RBFOX1: variants seen among roughly 807,000 people sequenced by gnomAD.
The protein encoded by RBFOX1 is RNA binding protein fox-1 homolog 1.
RBFOX1 carries 8 observed loss-of-function variants against 57.7 expected under a neutral mutation model. The observed-to-expected ratio is 0.14, with a 90% CI of 0.08 to 0.25. The LOEUF (loss-of-function observed/expected upper bound fraction) is 0.25. Ranked by LOEUF, RBFOX1 falls within the 10% of genes least tolerant of loss-of-function variation. The probability of loss-of-function intolerance (pLI) is 1.00; values close to 1 mark genes in which losing one functional copy is unlikely to be tolerated. For missense variants in RBFOX1, 611 were observed against 548.5 expected (o/e 1.11, Z -1.14); for synonymous variants, 326 against 222.4 (o/e 1.47, Z -4.15).
rs112458323 is a variant in RBFOX1, at chr16:6,787,511, G to T, written c.-16+132861G>T. Among the ~76,000 whole-genome samples the T allele has an allele frequency of 6.0e-3, 920 of 152,292 alleles. 11 individuals carry two copies. Among genetic ancestry groups the T allele is most frequent in the African/African-American group, 0.021 (862 of 41,556 alleles). ...TTAAGTTGAAGTTGTGTGACTGTAT[G>T]CTGGGCAATAGAAATTGGGTGTAAA... On this transcript the variant is annotated intron_variant, in intron 3 of 15. Coordinates refer to ENST00000550418, the MANE Select transcript of RBFOX1 (RefSeq NM_018723.4).
chr16:6,617,572 C>G (rs117113961), intron 2 of RBFOX1, among the ~76,000 whole-genome samples: 2 of 152,040 alleles, frequency 1.3e-5, no homozygotes, highest in South Asian at 2.1e-4. Flanking sequence ...GCTGGAGGAC[C>G]TTTCCTCCTA....
chr16:7,710,779 A>AGAAAG lies in RBFOX1; in HGVS notation c.*38_*42dup. On this transcript the variant is annotated 3_prime_UTR_variant, in exon 16 of 16. Transcript: ENST00000550418. ...ACCATAAAAACCTTCCAATGTGGGGAGAAAGGAAGCTTTCCGAGGCCTGAG... is the reference window on the plus strand; with the variant it reads ...ACCATAAAAACCTTCCAATGTGGGGAGAAAGGAAAGGAAGCTTTCCGAGGCCTGAG... 1 of 1,505,202 alleles carries AGAAAG rather than the reference A, an allele frequency of 6.6e-7. No homozygotes were observed. Among genetic ancestry groups the AGAAAG allele is most frequent in the African/African-American group, 1.4e-5 (1 of 70,070 alleles). 93.2% of individuals were successfully genotyped at this position (1,505,202 alleles called of 1,614,324 possible). A position where few individuals can be genotyped will look rare whatever the true frequency, so the allele number is the denominator to read the frequency against.
intron 3 of RBFOX1, among the ~76,000 whole-genome samples, chr16:5,634,784 C>T (rs560156813): frequency 2.0e-5 from 3 of 152,318 alleles, no homozygotes; most frequent in East Asian, 3.9e-4. Context: ...CAGACAGATT[C>T]TGTCCAGATG....
At chr16:6,666,193 CA>C (rs1392324672) in intron 3 of RBFOX1, among the ~76,000 whole-genome samples, 1 of 152,140 alleles carries the variant, frequency 6.6e-6, no homozygotes, top group Non-Finnish European at 1.5e-5. Flanking sequence ...GTCTCAGGTA[CA>C]TCTGTATCAG....
At chr16:7,441,612 CT>C (rs2098767739) in intron 4 of RBFOX1, among the ~76,000 whole-genome samples, 1 of 152,192 alleles carries the variant, frequency 6.6e-6, no homozygotes, top group African/African-American at 2.4e-5. Context: ...TTTTTCCCCC[CT>C]GTTATTAGCT....
intron 4 of RBFOX1, among the ~76,000 whole-genome samples, chr16:7,108,900 G>C (rs904950050): frequency 1.3e-5 from 2 of 152,158 alleles, no homozygotes; most frequent in Non-Finnish European, 2.9e-5. Context: ...AAAAGAAGGA[G>C]GTTGGTTTGT....
At chr16:5,435,225 C>T (rs943835767) in intron 1 of RBFOX1, among the ~76,000 whole-genome samples, 7 of 152,310 alleles carry the variant, frequency 4.6e-5, no homozygotes, top group African/African-American at 1.2e-4. Context: ...GGTGCTTCTC[C>T]ATATGCGTCT....
rs539125581 is a variant in RBFOX1, at chr16:5,261,363, A to G, written c.219+21258A>G. On this transcript the variant is annotated intron_variant, in intron 1 of 2. Coordinates refer to the RBFOX1 transcript ENST00000585867. Reference sequence around the variant, plus strand: ...TTAATTTCTTGGCTGACTAAATTTTATTATGAAGACTGTTTTTTTTAAAGA... The same window carrying G: ...TTAATTTCTTGGCTGACTAAATTTTGTTATGAAGACTGTTTTTTTTAAAGA... Among the ~76,000 whole-genome samples, 6 of 151,902 alleles carry G rather than the reference A, an allele frequency of 3.9e-5. No homozygotes were observed. The East Asian group carries it at 9.7e-4, about 25-fold the overall frequency.
chr16:6,901,646 A>C (rs1443694220), intron 3 of RBFOX1, among the ~76,000 whole-genome samples: 1 of 152,214 alleles, frequency 6.6e-6, no homozygotes, highest in Non-Finnish European at 1.5e-5. Context: ...GGTAACCTTC[A>C]ACAAACTAAA....
intron 4 of RBFOX1, among the ~76,000 whole-genome samples, chr16:7,484,280 A>T (rs1485337144): frequency 1.3e-5 from 2 of 152,196 alleles, no homozygotes; most frequent in Non-Finnish European, 2.9e-5. Context: ...GGCTATTAAG[A>T]ATGCTGTGGA....
intron 3 of RBFOX1, among the ~76,000 whole-genome samples, chr16:5,632,940 C>CCTT (rs2048562956): frequency 8.0e-6 from 1 of 125,616 alleles, no homozygotes; most frequent in Non-Finnish European, 1.6e-5. Context: ...TTAACAACTC[C>CCTT]TTTTTTTTTT....
At chr16:6,530,314 A>G (rs1385522610) in intron 2 of RBFOX1, among the ~76,000 whole-genome samples, 1 of 152,154 alleles carries the variant, frequency 6.6e-6, no homozygotes, top group Non-Finnish European at 1.5e-5. Flanking sequence ...CATGGTAAGC[A>G]TGAGTGAGTT....
intron 3 of RBFOX1, among the ~76,000 whole-genome samples, chr16:6,689,587 T>G (rs954381897): frequency 6.6e-6 from 1 of 152,194 alleles, no homozygotes; most frequent in Non-Finnish European, 1.5e-5. Flanking sequence ...TATGACAATG[T>G]CTACTATAAA....
At chr16:7,185,811 A>G (rs116795908) in intron 4 of RBFOX1, among the ~76,000 whole-genome samples, 1 of 152,206 alleles carries the variant, frequency 6.6e-6, no homozygotes, top group East Asian at 1.9e-4. Context: ...AGCATCAGTC[A>G]GACTCTCAGG....
chr16:5,317,210 TCTCA>T (rs1395288974), intron 1 of RBFOX1, among the ~76,000 whole-genome samples: 2 of 152,166 alleles, frequency 1.3e-5, no homozygotes, highest in Non-Finnish European at 1.5e-5. Context: ...TCTCTCTCTC[TCTCA>T]ATCTCTCGAT....
rs1446868324 is a variant in RBFOX1, at chr16:6,486,703, A to G, written c.-63-167900A>G. Among the ~76,000 whole-genome samples, 4 of 152,000 alleles carry G rather than the reference A, an allele frequency of 2.6e-5. No individual in the cohort carries two copies. The South Asian group carries it at 8.3e-4, about 32-fold the overall frequency. ...TAGACTTTACTTTGTTATGGATCCA[A>G]AAACTTTGGAGTGTGTTAAAATATC... On this transcript the variant is annotated intron_variant, in intron 2 of 15. Coordinates refer to ENST00000550418, the MANE Select transcript of RBFOX1 (RefSeq NM_018723.4).
intron 3 of RBFOX1, among the ~76,000 whole-genome samples, chr16:6,980,285 A>C (rs908022129): frequency 6.6e-6 from 1 of 152,214 alleles, no homozygotes; most frequent in African/African-American, 2.4e-5. Flanking sequence ...GTGTGCGTTT[A>C]TGATATGAAC....
chr16:6,785,882 C>T (rs1423620671), intron 3 of RBFOX1, among the ~76,000 whole-genome samples: 3 of 152,146 alleles, frequency 2.0e-5, no homozygotes, highest in African/African-American at 7.2e-5. Context: ...TGCTGCTCCT[C>T]AGGCTCCGCT....
intron 3 of RBFOX1, among the ~76,000 whole-genome samples, chr16:6,956,448 A>T (rs146377018): frequency 6.6e-6 from 1 of 152,184 alleles, no homozygotes. Flanking sequence ...AGTAAGCTAC[A>T]TGCTGGGCTT....
Sources: gnomAD v4.1 joint callset for allele counts (sites outside exome capture counted in the v4.1 genomes callset) on GRCh38, gnomAD v4.1.1 for gene constraint, MANE v1.5 for transcripts, NCBI Gene and HGNC (gene_info 2026-07-23, HGNC 2026-07-21) for gene names.